Variants in PTPRS observed in about 807,000 individuals in gnomAD.
The protein encoded by PTPRS is receptor-type tyrosine-protein phosphatase S.
PTPRS carries 63 observed loss-of-function variants against 215.3 expected under a neutral mutation model. The observed-to-expected ratio is 0.29, with a 90% CI of 0.24 to 0.36. The LOEUF is 0.36. PTPRS is among the 10% of genes least tolerant of loss of function. The probability of loss-of-function intolerance (pLI) is 1.00; values close to 1 mark genes in which losing one functional copy is unlikely to be tolerated. For missense variants in PTPRS, 2,258 were observed against 2,825.8 expected (o/e 0.80, Z 4.56); for synonymous variants, 1,404 against 1,191.4 (o/e 1.18, Z -3.68).
intron 4 of PTPRS, among the ~76,000 whole-genome samples, chr19:5,266,763 C>T (rs976864488): frequency 6.6e-6 from 1 of 152,030 alleles, no homozygotes; most frequent in South Asian, 2.1e-4. Context: ...CTGCTGGCCC[C>T]TGCCACCTTC....
chr19:5,256,211 C>A, intron 8 of PTPRS, 92 bp from the exon 9 acceptor site: 1 of 1,037,648 alleles, frequency 9.6e-7, no homozygotes, highest in Non-Finnish European at 1.3e-6. Flanking sequence ...AAGAGGACTT[C>A]CCAAGGCTAA....
At chr19:5,307,352 A>AG (rs2049530600) in intron 1 of PTPRS, among the ~76,000 whole-genome samples, 3 of 137,776 alleles carry the variant, frequency 2.2e-5, no homozygotes, top group African/African-American at 7.6e-5. Flanking sequence ...AATAAATAAA[A>AG]ATAACAGTAC....
At chr19:5,254,673 G>C (rs2045417169) in intron 9 of PTPRS, among the ~76,000 whole-genome samples, 1 of 152,198 alleles carries the variant, frequency 6.6e-6, no homozygotes, top group African/African-American at 2.4e-5. Context: ...CAGGTACTCA[G>C]AAAGTGACCA....
chr19:5,317,797 A>T (rs1423215304), intron 1 of PTPRS, among the ~76,000 whole-genome samples: 1 of 152,066 alleles, frequency 6.6e-6, no homozygotes, highest in Non-Finnish European at 1.5e-5. Context: ...CCCAGCACTG[A>T]GGCTGAGACA....
intron 24 of PTPRS, 92 bp downstream of exon 24, chr19:5,218,687 GGGGCAGCC>G (rs2041706711): frequency 6.5e-7 from 1 of 1,537,464 alleles, no homozygotes; most frequent in Non-Finnish European, 9.0e-7. Flanking sequence ...ACAAGCTGTG[GGGGCAGCC>G]GGGCATCCCC....
At chr19:5,321,204 T>G (rs1170487030) in intron 1 of PTPRS, among the ~76,000 whole-genome samples, 4 of 152,000 alleles carry the variant, frequency 2.6e-5, no homozygotes, top group Non-Finnish European at 5.9e-5. Context: ...GCCTGGGAGG[T>G]TGAGGCTGCA....
intron 1 of PTPRS, among the ~76,000 whole-genome samples, chr19:5,305,763 ATAT>A (rs1244072385): frequency 0.011 from 1,267 of 113,644 alleles, 15 homozygotes; most frequent in African/African-American, 0.041. Flanking sequence ...ATATATATAT[ATAT>A]TTTTTTTTTA....
chr19:5,336,809 T>TG (rs1424380734), intron 1 of PTPRS, among the ~76,000 whole-genome samples: 7 of 14,928 alleles, frequency 4.7e-4, no homozygotes, highest in Non-Finnish European at 9.0e-4. Flanking sequence ...CGGCGGGTGG[T>TG]GGGGGGGAGG....
In PTPRS at chr19:5,231,496, G is replaced by A. The variant is rs200689431; in HGVS notation, c.1969C>T (p.Arg657Cys). Residue 657 changes from arginine to cysteine, a missense_variant, in exon 14 of 38, where the codon CGC becomes TGC. By Grantham distance (180) the Arg-to-Cys change is radical. Transcript: ENST00000262963. ...HNGALVGYSVRYRPLGSEDPE... is the reference protein window; with the variant it reads ...HNGALVGYSVCYRPLGSEDPE... ...TCCTCTGAGCCCAGCGGTCGGTAGCGGACGCTGTAGCCCACCAGGGCCCCG... is the reference window on the plus strand; with the variant it reads ...TCCTCTGAGCCCAGCGGTCGGTAGCAGACGCTGTAGCCCACCAGGGCCCCG... 12 of 1,612,556 alleles carry A rather than the reference G, an allele frequency of 7.4e-6. No homozygotes were observed. The highest frequency in any genetic ancestry group is 1.7e-5 in the Admixed American group (1 of 59,974).
chr19:5,321,578 C>T (rs1260036405), intron 1 of PTPRS, among the ~76,000 whole-genome samples: 2 of 152,238 alleles, frequency 1.3e-5, no homozygotes, highest in Non-Finnish European at 2.9e-5. Flanking sequence ...TGGCTCGTGC[C>T]TCGTGAGTAC....
Position 5,221,063 on chromosome 19 carries a change from T to C in PTPRS, c.3392A>G (p.Lys1131Arg). The C allele has an allele frequency of 6.2e-7, 1 of 1,613,876 alleles. No individual in the cohort carries two copies. Among genetic ancestry groups the C allele is most frequent in the African/African-American group, 1.3e-5 (1 of 75,016 alleles). ...LLNGKPSVAP[K>R]PDADGFIMVY... ...CATGATGAAGCCGTCAGCATCAGGCTTGGGGGCGACGCTGGGCTTGCCGTT... is the reference window on the plus strand; with the variant it reads ...CATGATGAAGCCGTCAGCATCAGGCCTGGGGGCGACGCTGGGCTTGCCGTT... Residue 1131 changes from lysine to arginine, a missense_variant, in exon 20 of 38, where the codon AAG (lysine) becomes AGG (arginine). By Grantham distance (26) the Lys-to-Arg change is conservative. Coordinates refer to ENST00000262963, the MANE Select transcript of PTPRS (RefSeq NM_002850.4).
At position 5,215,571 on chromosome 19, in the gene PTPRS, G is replaced by A; in HGVS notation, c.4121C>T (p.Pro1374Leu). The A allele has an allele frequency of 5.0e-6, 8 of 1,609,908 alleles. No individual in the cohort carries two copies. The highest frequency in any genetic ancestry group is 6.8e-6 in the Non-Finnish European group (8 of 1,177,330). The change falls in exon 27 of 38, where the codon CCC becomes CTC. Residue 1374 changes from proline (P) to leucine (L), a missense_variant. Transcript: ENST00000262963. ...FESMLSHPPI[P>L]IADMAEHTER... ...CGTGTGCTCCGCCATGTCTGCGATG[G>A]GAATTGGCGGGTGGCTAAGCATGCC...
rs973598080 is a variant in PTPRS at position 5,293,177 on chromosome 19, C to A, written c.-94-6943G>T. ...GAGATCGGGCCCAGGCCCCGCGAGG[C>A]CTCCACAGGGCCCGCCGCAGCCGCT... On this transcript the variant is annotated intron_variant, in intron 1 of 37. Transcript: ENST00000262963. The surrounding 1 kb of genome is among the most constrained non-coding windows in gnomAD (Gnocchi z 8.4). 3 of 151,716 alleles carry A rather than the reference C, an allele frequency of 2.0e-5. No homozygotes were observed. The highest frequency in any genetic ancestry group is 7.2e-5 in the African/African-American group (3 of 41,456). 9.4% of individuals were successfully genotyped at this position (151,716 alleles called of 1,614,324 possible). A position where few individuals can be genotyped will look rare whatever the true frequency, so the allele number is the denominator to read the frequency against.
chr19:5,319,198 G>A (rs1860041), intron 1 of PTPRS, among the ~76,000 whole-genome samples: 3,880 of 152,176 alleles, frequency 0.025, 147 homozygotes, highest in East Asian at 0.16. Context: ...GATCACCCGA[G>A]GTCAGGAGCT....
At position 5,277,242 on chromosome 19, in the gene PTPRS, T is replaced by TC. The variant is rs547297795; in HGVS notation, c.92-2899dup. 1.6e-4 allele frequency among the ~76,000 whole-genome samples: 25 copies of TC among 151,956 alleles called. No individual in the cohort carries two copies. The East Asian group carries it at 3.7e-3, about 22-fold the overall frequency. ...GCCTGGCTAATTTTTTTATTTTTTT[T>TC]CCCCGAGGGCTGCAACATACTTACA... On this transcript the variant is annotated intron_variant, in intron 2 of 37. Coordinates refer to ENST00000262963, the MANE Select transcript of PTPRS (RefSeq NM_002850.4).
intron 7 of PTPRS, 134 bp downstream of exon 7, chr19:5,260,671 A>T (rs1208154272): frequency 8.3e-7 from 1 of 1,203,314 alleles, no homozygotes; most frequent in Non-Finnish European, 1.2e-6. Context: ...CCGGACTAAC[A>T]CTGGGTGGAA....
intron 2 of PTPRS, among the ~76,000 whole-genome samples, chr19:5,285,289 A>G (rs1286238374): frequency 2.6e-5 from 4 of 152,164 alleles, no homozygotes; most frequent in Non-Finnish European, 5.9e-5. Flanking sequence ...CTCATCCCCT[A>G]TGTCCTCATG....
intron 1 of PTPRS, among the ~76,000 whole-genome samples, chr19:5,297,791 CTTTTTTTTTT>C (rs373472522): frequency 0.093 from 12,196 of 131,408 alleles, 679 homozygotes; most frequent in African/African-American, 0.17. Flanking sequence ...CTTTTCTTTT[CTTTTTTTTTT>C]TTTTTTTTTG....
chr19:5,304,419 G>A (rs993781308), intron 1 of PTPRS, among the ~76,000 whole-genome samples: 7 of 152,166 alleles, frequency 4.6e-5, no homozygotes, highest in African/African-American at 1.7e-4. Flanking sequence ...GGTAGAGGTT[G>A]CGAGCTGAGA....
Sources: allele counts gnomAD v4.1 joint callset (sites outside exome capture counted in the v4.1 genomes callset), GRCh38; gene constraint gnomAD v4.1.1; non-coding constraint Gnocchi (gnomAD v3.1); transcripts MANE v1.5; gene names NCBI Gene and HGNC (gene_info 2026-07-23, HGNC 2026-07-21).